Variants in CLSPN observed in about 807,000 individuals in gnomAD.
The protein encoded by CLSPN is claspin.
Under a neutral mutation model 156.3 loss-of-function variants are expected in CLSPN, and 85 were observed. The ratio of observed to expected loss-of-function variants is 0.54; its 90% CI spans 0.46 to 0.65. The LOEUF (loss-of-function observed/expected upper bound fraction) is 0.65. CLSPN is among the 30% of genes least tolerant of loss of function. The probability of loss-of-function intolerance (pLI) is 0.00; values close to 1 mark genes in which losing one functional copy is unlikely to be tolerated. For missense variants in CLSPN, 1,407 were observed against 1,554.9 expected (o/e 0.90, Z 1.60); for synonymous variants, 534 against 542.4 (o/e 0.98, Z 0.22).
chr1:35,763,292 G>A lies in CLSPN; in HGVS notation c.612C>T (p.Asp204=). 1 of 1,597,900 alleles carries A rather than the reference G, an allele frequency of 6.3e-7. No individual in the cohort carries two copies. The highest frequency in any genetic ancestry group is 8.5e-7 in the Non-Finnish European group (1 of 1,175,384). ...QEDDVEQPFN[D]SGCLLVDKDL... ...CTTTATCCACAAGAAGACAGCCACT[G>A]TCATTAAATGGCTGTTCTACATCAT... Residue 204 remains aspartate, a synonymous_variant, in exon 4 of 25, where the codon GAC becomes GAT. Coordinates refer to ENST00000318121, the MANE Select transcript of CLSPN (RefSeq NM_022111.4).
chr1:35,740,916 T>C (rs1012819138), intron 18 of CLSPN, among the ~76,000 whole-genome samples: 3 of 152,188 alleles, frequency 2.0e-5, no homozygotes, highest in Non-Finnish European at 4.4e-5. Flanking sequence ...TAGAAAAATC[T>C]ATGGATAACC....
rs1421489057 is a variant in CLSPN, at chr1:35,737,783, C to G, written c.3664+209G>C. On this transcript the variant is annotated intron_variant, in intron 22 of 24. Transcript: ENST00000318121. ...GCCTTAGAACATAAAGTAAAACCAG[C>G]CACATATACTCATGAATACAGTCTC... The G allele has an allele frequency of 9.0e-6, 4 of 442,384 alleles. No homozygotes were observed. In the East Asian group the frequency reaches 1.3e-4, roughly 14 times the overall value. The allele number at this position is 442,384 out of a possible 1,614,324, so 27.4% of individuals were successfully genotyped here.
At chr1:35,757,273 A>G (rs573733356) in intron 8 of CLSPN, among the ~76,000 whole-genome samples, 1 of 152,234 alleles carries the variant, frequency 6.6e-6, no homozygotes, top group Admixed American at 6.5e-5. Context: ...TTACACTTCA[A>G]TTTCTTTGAG....
downstream of CLSPN, among the ~76,000 whole-genome samples, chr1:35,730,218 A>G (rs1641282435): frequency 1.3e-5 from 2 of 152,096 alleles, no homozygotes; most frequent in African/African-American, 4.8e-5. Flanking sequence ...CGAACATTAA[A>G]GTAACACATC....
chr1:35,757,380 T>C (rs893367077), intron 8 of CLSPN, among the ~76,000 whole-genome samples: 1 of 152,208 alleles, frequency 6.6e-6, no homozygotes, highest in African/African-American at 2.4e-5. Flanking sequence ...TCTAACTTCA[T>C]GTATATTATG....
Position 35,739,345 on chromosome 1 carries a change from G to A in CLSPN, c.3308+20C>T. On this transcript the variant is annotated intron_variant, in intron 19 of 24. Coordinates refer to ENST00000318121, the MANE Select transcript of CLSPN (RefSeq NM_022111.4). ...TTAAGATGTACCCTATTACTCAGAA[G>A]GGCTTATTGGGATACTGACATGTGT... 1.9e-6 allele frequency: 3 copies of A among 1,613,762 alleles called. No homozygotes were observed. The highest frequency in any genetic ancestry group is 1.3e-5 in the African/African-American group (1 of 75,022).
chr1:35,731,068 C>T (rs1323523665), downstream of CLSPN, among the ~76,000 whole-genome samples: 2 of 150,944 alleles, frequency 1.3e-5, no homozygotes, highest in African/African-American at 4.9e-5. Context: ...GGTGTAGTGG[C>T]GCATGCCTGT....
At chr1:35,720,948 G>T (rs773702250) in exon 25 of CLSPN, 1 of 1,612,018 alleles carries the variant, frequency 6.2e-7, no homozygotes, top group East Asian at 2.2e-5. Context: ...CTCCACTCCA[G>T]GTGAGCCAGT....
chr1:35,758,599 C>G (rs1005937736), intron 8 of CLSPN, among the ~76,000 whole-genome samples: 2 of 151,648 alleles, frequency 1.3e-5, no homozygotes, highest in Non-Finnish European at 1.5e-5. Flanking sequence ...GAGCCGAGAT[C>G]GCAGCATTGC....
downstream of CLSPN, among the ~76,000 whole-genome samples, chr1:35,730,055 C>T (rs1373235566): frequency 6.6e-6 from 1 of 152,194 alleles, no homozygotes; most frequent in Non-Finnish European, 1.5e-5. Context: ...TCACCATTAG[C>T]TCTTCCAGGC....
rs1307713546 is a variant in CLSPN at position 35,764,489 on chromosome 1, T to C, written c.359A>G (p.Tyr120Cys). The C allele has an allele frequency of 3.1e-6, 5 of 1,614,008 alleles. No homozygotes were observed. The highest frequency in any genetic ancestry group is 1.6e-4 in the Middle Eastern group (1 of 6,084). Residue 120 changes from tyrosine to cysteine, a missense_variant, in exon 3 of 25, where the codon TAT becomes TGT. This residue lies in a region of CLSPN where 1,096 missense variants were observed against 1,193.0 expected (regional missense o/e 0.92). Coordinates refer to ENST00000318121, the MANE Select transcript of CLSPN (RefSeq NM_022111.4). ...CACTTGCGCTTCAAGATTTTCCTGATACAAAGACTTTTCCATGTAACTTTC... is the reference window on the plus strand; with the variant it reads ...CACTTGCGCTTCAAGATTTTCCTGACACAAAGACTTTTCCATGTAACTTTC... ...SDESYMEKSLYQENLEAQVKP... is the reference protein window; with the variant it reads ...SDESYMEKSLCQENLEAQVKP...
Position 35,738,477 on chromosome 1 carries a change from C to G in CLSPN, c.3536G>C (p.Arg1179Pro), listed in dbSNP as rs1363493536. The change falls in exon 21 of 25, where the codon CGA (arginine) becomes CCA (proline). Residue 1179 changes from arginine (R) to proline (P), a missense_variant. Around this residue, in one of 3 missense-constraint regions of CLSPN, gnomAD observed 241 missense variants for 240.5 expected, o/e 1.00. Coordinates refer to ENST00000318121, the MANE Select transcript of CLSPN (RefSeq NM_022111.4). ...EARWRKERIE[R>P]EQWLRDMAQQ... is the part of the protein sequence containing the mutation. ...TACCATGTCCCGAAGCCACTGCTCT[C>G]GTTCAATTCGCTCCTTCCTCCACCT... The G allele has an allele frequency of 7.4e-6, 12 of 1,613,940 alleles. No homozygotes were observed. Among genetic ancestry groups the G allele is most frequent in the Non-Finnish European group, 1.0e-5 (12 of 1,179,878 alleles).
rs558737721 is a variant in CLSPN at position 35,746,854 on chromosome 1, C to T, written c.2766G>A (p.Gln922=). 45 of 1,614,030 alleles carry T rather than the reference C, an allele frequency of 2.8e-5. No individual in the cohort carries two copies. Among genetic ancestry groups the T allele is most frequent in the East Asian group, 1.8e-4 (8 of 44,884 alleles). Residue 922 remains glutamine (Q), a synonymous_variant, in exon 15 of 25, where the codon CAG becomes CAA. Transcript: ENST00000318121. The surrounding 1 kb of genome is among the most constrained non-coding windows in gnomAD (Gnocchi z 4.2). ...TCTTCCTGGGTAGATGTTTTTCAGC[C>T]TGAGATGTGAACTTTCCAGTACACA... ...LDLCTGKFTS[Q]AEKHLPRKSD... is the part of the protein sequence containing the mutation.
chr1:35,732,815 T>A lies in CLSPN; in HGVS notation c.*3681A>T. 2 of 985,428 alleles carry A rather than the reference T, an allele frequency of 2.0e-6. No homozygotes were observed. Among genetic ancestry groups the A allele is most frequent in the Non-Finnish European group, 2.4e-6 (2 of 829,922 alleles). The allele number at this position is 985,428 out of a possible 1,614,324, so 61.0% of individuals were successfully genotyped here. ...AAGGGCATATGGGTCAGATTGAAACTGTCCATGTCAATCCTGTTACCAAGA... is the reference window on the plus strand; with the variant it reads ...AAGGGCATATGGGTCAGATTGAAACAGTCCATGTCAATCCTGTTACCAAGA... On this transcript the variant is annotated 3_prime_UTR_variant, in exon 25 of 25. Coordinates refer to ENST00000318121, the MANE Select transcript of CLSPN (RefSeq NM_022111.4).
At chr1:35,760,939 G>T in intron 7 of CLSPN, 23 bp from the exon 8 acceptor site, 1 of 1,565,162 alleles carries the variant, frequency 6.4e-7, no homozygotes, top group South Asian at 1.1e-5. Context: ...AATTGAGCTG[G>T]AGTTGAAAAT....
chr1:35,743,385 G>A (rs932068120), intron 17 of CLSPN, 70 bp downstream of exon 17: 16 of 1,442,404 alleles, frequency 1.1e-5, no homozygotes, highest in African/African-American at 1.4e-5. Flanking sequence ...AAGAACTGAG[G>A]GGAAAAAAAC....
chr1:35,747,110 CAGG>C (rs1457071396), intron 14 of CLSPN, 118 bp from the exon 15 acceptor site: 3 of 692,128 alleles, frequency 4.3e-6, no homozygotes, highest in Non-Finnish European at 7.5e-6. Flanking sequence ...ATCACGAGGT[CAGG>C]AGATCAAGAC....
intron 1 of CLSPN, among the ~76,000 whole-genome samples, chr1:35,768,795 G>A (rs1252612633): frequency 6.6e-6 from 1 of 152,152 alleles, no homozygotes; most frequent in Non-Finnish European, 1.5e-5. Context: ...TAACCAGACA[G>A]CTCAAGGAAT....
chr1:35,767,570 A>G (rs1642717011), intron 1 of CLSPN, among the ~76,000 whole-genome samples: 1 of 152,232 alleles, frequency 6.6e-6, no homozygotes, highest in African/African-American at 2.4e-5. Flanking sequence ...GAGCTGCAGT[A>G]AAACCTTTGC....
Sources: allele counts gnomAD v4.1 joint callset (sites outside exome capture counted in the v4.1 genomes callset), GRCh38; gene constraint gnomAD v4.1.1; regional missense constraint gnomAD v4.1.1; non-coding constraint Gnocchi (gnomAD v3.1); transcripts MANE v1.5; gene names NCBI Gene and HGNC (gene_info 2026-07-23, HGNC 2026-07-21).